Variants in BRD1 observed in about 807,000 individuals in gnomAD.
BRD1 encodes bromodomain containing 1.
Under a neutral mutation model 107.7 loss-of-function variants are expected in BRD1, and 24 were observed. That is an observed-to-expected ratio of 0.22 (90% CI 0.16 to 0.31). The LOEUF (loss-of-function observed/expected upper bound fraction) is 0.31, where lower values mean the gene tolerates loss of function less well. Among genes scored for constraint, BRD1 ranks in the 10% least tolerant of loss-of-function variants. BRD1 has a pLI of 1.00. For missense variants in BRD1, 1,279 were observed against 1,638.6 expected (o/e 0.78, Z 3.79); for synonymous variants, 744 against 686.1 (o/e 1.08, Z -1.32).
At chr22:49,790,807 T>C (rs1038669119) in intron 7 of BRD1, among the ~76,000 whole-genome samples, 5 of 152,182 alleles carry the variant, frequency 3.3e-5, no homozygotes, top group African/African-American at 1.2e-4. Context: ...CCGAGGAACA[T>C]GCATCCTTCC....
intron 12 of BRD1, among the ~76,000 whole-genome samples, chr22:49,774,760 C>G (rs2059048256): frequency 6.6e-6 from 1 of 152,254 alleles, no homozygotes; most frequent in Non-Finnish European, 1.5e-5. Context: ...TTGGGGAGAC[C>G]CCATCAAAGG....
At chr22:49,785,059 C>T (rs962732151) in intron 8 of BRD1, among the ~76,000 whole-genome samples, 1 of 152,184 alleles carries the variant, frequency 6.6e-6, no homozygotes, top group Non-Finnish European at 1.5e-5. Flanking sequence ...AGTAAGACTG[C>T]TCTACACCAC....
intron 8 of BRD1, among the ~76,000 whole-genome samples, chr22:49,781,935 T>C (rs1159724425): frequency 6.6e-6 from 1 of 151,144 alleles, no homozygotes; most frequent in Admixed American, 6.6e-5. Flanking sequence ...CCCATGTTGC[T>C]GGGACCTGCT....
At chr22:49,799,698 C>T (rs1028256484) in intron 3 of BRD1, among the ~76,000 whole-genome samples, 1 of 152,246 alleles carries the variant, frequency 6.6e-6, no homozygotes, top group African/African-American at 2.4e-5. Context: ...ATAGCACCTG[C>T]TCCCTTCTCA....
chr22:49,808,856 C>T (rs1379335497), intron 2 of BRD1, among the ~76,000 whole-genome samples: 2 of 152,192 alleles, frequency 1.3e-5, no homozygotes, highest in African/African-American at 4.8e-5. Flanking sequence ...CAGTGGCTTC[C>T]GCCTGTAATC....
chr22:49,779,758 C>T (rs1340399856), intron 8 of BRD1, among the ~76,000 whole-genome samples: 1 of 152,080 alleles, frequency 6.6e-6, no homozygotes, highest in Non-Finnish European at 1.5e-5. Context: ...CCCCCGAGAA[C>T]CCCTCAGGAG....
At chr22:49,826,624 C>G (rs773593283) in intron 1 of BRD1, among the ~76,000 whole-genome samples, 1 of 152,256 alleles carries the variant, frequency 6.6e-6, no homozygotes, top group Non-Finnish European at 1.5e-5. Flanking sequence ...CCGGGCCTCT[C>G]GGTCAAGGCC....
chr22:49,782,269 G>C (rs1318047429), intron 8 of BRD1, among the ~76,000 whole-genome samples: 2 of 149,178 alleles, frequency 1.3e-5, no homozygotes, highest in Admixed American at 6.7e-5. Context: ...ACAGAACCAA[G>C]GCCCAGGCCA....
intron 2 of BRD1, among the ~76,000 whole-genome samples, chr22:49,808,696 G>C (rs761190249): frequency 2.0e-5 from 3 of 152,162 alleles, no homozygotes; most frequent in Non-Finnish European, 2.9e-5. Flanking sequence ...TTATGTGTAC[G>C]TGACCACAGT....
rs532908409 is a variant in BRD1, at chr22:49,801,073, G to A, written c.1525-1954C>T. Among the ~76,000 whole-genome samples, 3 of 152,322 alleles carry A rather than the reference G, an allele frequency of 2.0e-5. No homozygotes were observed. In the South Asian group the frequency reaches 6.2e-4, roughly 32 times the overall value. On this transcript the variant is annotated intron_variant, in intron 3 of 12. Coordinates refer to ENST00000404760, the MANE Select transcript of BRD1 (RefSeq NM_001304808.3). ...CGTGGGACTGGCAGAGGCCACACACGCAGCACAGCAAGGACGATGTGGGCA... is the reference window on the plus strand; with the variant it reads ...CGTGGGACTGGCAGAGGCCACACACACAGCACAGCAAGGACGATGTGGGCA...
rs895887808 is a variant in BRD1 at position 49,792,097 on chromosome 22, C to G, written c.2359+1937G>C. ...CAACCATGCGAGGTCCTCAACCATG[C>G]GAGGTCCTCAGTCCTGTGACCCAAT... On this transcript the variant is annotated intron_variant, in intron 7 of 12. Transcript: ENST00000404760. The surrounding 1 kb of genome is among the most constrained non-coding windows in gnomAD (Gnocchi z 4.2). 3.3e-5 allele frequency among the ~76,000 whole-genome samples: 5 copies of G among 152,100 alleles called. No homozygotes were observed. The South Asian group carries it at 1.0e-3, about 32-fold the overall frequency.
chr22:49,794,137 T>C lies in BRD1; in HGVS notation c.2256A>G (p.Arg752=). 6.2e-7 allele frequency: 1 copy of C among 1,614,260 alleles called. No homozygotes were observed. Residue 752 remains arginine, a synonymous_variant, in exon 7 of 13, where the codon CGA becomes CGG. Coordinates refer to ENST00000404760, the MANE Select transcript of BRD1 (RefSeq NM_001304808.3). The part of the protein sequence containing the change: ...KLLKKEIALL[R]NKLSQQHSQP... The stretch of plus-strand genomic sequence containing the variant: ...GGCTGTGCTGCTGGCTCAGCTTGTT[T>C]CGGAGAAGGGCAATTTCCTTTTTGA...
Position 49,804,278 on chromosome 22 carries a change from G to T in BRD1, c.1450C>A (p.Arg484=), listed in dbSNP as rs771162911. 1.7e-5 allele frequency: 28 copies of T among 1,609,810 alleles called. No homozygotes were observed. The highest frequency in any genetic ancestry group is 2.3e-5 in the Non-Finnish European group (27 of 1,178,230). The change falls in exon 3 of 13, where the codon CGG becomes AGG. Residue 484 remains arginine (R), a synonymous_variant. Transcript: ENST00000404760. The stretch of plus-strand genomic sequence containing the variant: ...AGGGGGGCCCCGTTCCTGGACAGCC[G>T]CTTGAGCAGCCAGTAGCTGTGGGCT... ...ERAHSYWLLK[R]LSRNGAPLLR... is the part of the protein sequence containing the mutation.
In BRD1 at chr22:49,776,195, G is replaced by A. The variant is rs769710560; in HGVS notation, c.3122-36C>T. On this transcript the variant is annotated intron_variant, in intron 10 of 12. Transcript: ENST00000404760. The stretch of plus-strand genomic sequence containing the variant: ...GGGCGTCAGCAGGACACAGGCGTCA[G>A]CAGGACACGGGGCACGCCCCGCCCC... 48 of 1,568,460 alleles carry A rather than the reference G, an allele frequency of 3.1e-5. 1 individual carries two copies. In the South Asian group the frequency reaches 5.1e-4, roughly 17 times the overall value.
At position 49,797,687 on chromosome 22, in the gene BRD1, G is replaced by A. The variant is rs2059560618; in HGVS notation, c.2098+118C>T. The A allele has an allele frequency of 5.1e-6, 5 of 983,132 alleles. No individual in the cohort carries two copies. In the South Asian group the frequency reaches 9.6e-5, roughly 19 times the overall value. The allele number at this position is 983,132 out of a possible 1,614,324, so 60.9% of individuals were successfully genotyped here. ...CTACTAGAAAATGTAAATGATGTATGCGGTTGCATGCTAGTGGCTCCCGGA... is the reference window on the plus strand; with the variant it reads ...CTACTAGAAAATGTAAATGATGTATACGGTTGCATGCTAGTGGCTCCCGGA... On this transcript the variant is annotated intron_variant, in intron 6 of 12. Coordinates refer to ENST00000404760, the MANE Select transcript of BRD1 (RefSeq NM_001304808.3).
In BRD1 at chr22:49,824,256, C is replaced by A. The variant is rs770334198; in HGVS notation, c.62G>T (p.Ser21Ile). 6.2e-7 allele frequency: 1 copy of A among 1,613,988 alleles called. No individual in the cohort carries two copies. The highest frequency in any genetic ancestry group is 8.5e-7 in the Non-Finnish European group (1 of 1,180,018). ...SAARHPSSPC[S>I]VKHSPTRETL... Reference sequence around the variant, plus strand: ...TTCTCGCGTAGGGGAGTGTTTAACACTGCATGGGGAAGAAGGATGCCTCGC... The same window carrying A: ...TTCTCGCGTAGGGGAGTGTTTAACAATGCATGGGGAAGAAGGATGCCTCGC... Residue 21 changes from serine (S) to isoleucine (I), a missense_variant, in exon 2 of 13, where the codon AGT (serine) becomes ATT (isoleucine). By Grantham distance (142) the Ser-to-Ile change is moderately radical (BLOSUM62 -2). This residue lies in a region of BRD1 where 223 missense variants were observed against 263.5 expected (regional missense o/e 0.85). Coordinates refer to ENST00000404760, the MANE Select transcript of BRD1 (RefSeq NM_001304808.3). The surrounding 1 kb of genome is among the most constrained non-coding windows in gnomAD (Gnocchi z 5.9).
chr22:49,777,236 C>T (rs2059119026), intron 9 of BRD1, 75 bp from the exon 10 acceptor site: 3 of 1,582,554 alleles, frequency 1.9e-6, no homozygotes, highest in Non-Finnish European at 2.6e-6. Flanking sequence ...GTCCCGTGAG[C>T]TGTCCGCCAC....
Position 49,780,787 on chromosome 22 carries a change from G to A in BRD1, c.2858-2974C>T, listed in dbSNP as rs143356724. On this transcript the variant is annotated intron_variant, in intron 8 of 12. Coordinates refer to ENST00000404760, the MANE Select transcript of BRD1 (RefSeq NM_001304808.3). ...AGCTGGGAGATGTCCACCATGACCC[G>A]CACCTCAGCACCCCTGCAAGGACCT... 3.6e-3 allele frequency among the ~76,000 whole-genome samples: 552 copies of A among 152,294 alleles called. 4 individuals are homozygous for A. The highest frequency in any genetic ancestry group is 0.012 in the African/African-American group (503 of 41,566).
chr22:49,780,870 C>A (rs1005279815), intron 8 of BRD1, among the ~76,000 whole-genome samples: 13 of 152,230 alleles, frequency 8.5e-5, no homozygotes, highest in African/African-American at 3.1e-4. Context: ...ACGTGGGGAA[C>A]CCAGGGCCTA....
Sources: allele counts gnomAD v4.1 joint callset (sites outside exome capture counted in the v4.1 genomes callset), GRCh38; gene constraint gnomAD v4.1.1; regional missense constraint gnomAD v4.1.1; non-coding constraint Gnocchi (gnomAD v3.1); transcripts MANE v1.5; gene names NCBI Gene and HGNC (gene_info 2026-07-23, HGNC 2026-07-21).